The following HECW2 variants were observed in gnomAD, a reference collection of about 807,000 sequenced individuals.
HECW2 encodes E3 ubiquitin-protein ligase HECW2.
In HECW2, 61 loss-of-function variants were observed where a neutral mutation model predicts 175.2. The observed-to-expected ratio is 0.35, with a 90% CI of 0.28 to 0.43. The LOEUF is 0.43. HECW2 is among the 20% of genes least tolerant of loss of function. The pLI is 1.00. For missense variants in HECW2, 1,524 were observed against 2,000.5 expected, an observed-to-expected ratio of 0.76 and a Z score of 4.54; for synonymous variants, 671 against 731.0, an observed-to-expected ratio of 0.92 and a Z score of 1.32.
At chr2:196,284,663 C>T (rs1690315425) in intron 14 of HECW2, among the ~76,000 whole-genome samples, 1 of 152,154 alleles carries the variant, frequency 6.6e-6, no homozygotes, top group Admixed American at 6.5e-5. Flanking sequence ...ACACACATAT[C>T]AATTATGTCA....
At chr2:196,300,952 T>G (rs373680778) in intron 13 of HECW2, among the ~76,000 whole-genome samples, 6 of 152,054 alleles carry the variant, frequency 3.9e-5, no homozygotes, top group African/African-American at 1.5e-4. Context: ...CCATGGTGGT[T>G]TGCTGCACAG....
At chr2:196,461,651 C>T (rs1696749345) in intron 1 of HECW2, among the ~76,000 whole-genome samples, 1 of 152,124 alleles carries the variant, frequency 6.6e-6, no homozygotes, top group Non-Finnish European at 1.5e-5. Flanking sequence ...AGGAAACTTA[C>T]ATTCATGGCA....
intron 2 of HECW2, among the ~76,000 whole-genome samples, chr2:196,358,117 C>T (rs1466310150): frequency 1.3e-5 from 2 of 152,138 alleles, no homozygotes; most frequent in East Asian, 1.9e-4. Flanking sequence ...TTCTCCCATT[C>T]GCTGGATTTA....
intron 1 of HECW2, among the ~76,000 whole-genome samples, chr2:196,452,763 A>G (rs1696384269): frequency 6.6e-6 from 1 of 151,638 alleles, no homozygotes; most frequent in African/African-American, 2.4e-5. Flanking sequence ...TTTTCTATGC[A>G]TGATCAAATG....
intron 1 of HECW2, among the ~76,000 whole-genome samples, chr2:196,582,704 C>T (rs1012429767): frequency 3.3e-5 from 5 of 152,172 alleles, no homozygotes; most frequent in Admixed American, 2.6e-4. Context: ...ACAGGTACTG[C>T]GAACCAGACA....
rs571464270 is a variant in HECW2 at position 196,564,952 on chromosome 2, T to C, written c.-36+28556A>G. ...TGAGTGGTAATTTGTTTCTATGCTT[T>C]GATTTTTTTTTTTTTTTGAGGCAAG... On this transcript the variant is annotated intron_variant, in intron 1 of 28. Coordinates refer to ENST00000644978, the MANE Select transcript of HECW2 (RefSeq NM_001348768.2). Among the ~76,000 whole-genome samples the C allele has an allele frequency of 7.8e-4, 43 of 55,430 alleles. No homozygotes were observed. In the East Asian group the frequency reaches 0.023, roughly 30 times the overall value. The allele number at this position is 55,430 out of a possible 152,430, so 36.4% of individuals were successfully genotyped here. A position where few individuals can be genotyped will look rare whatever the true frequency, so the allele number is the denominator to read the frequency against.
chr2:196,473,019 A>G (rs1318932966), intron 1 of HECW2, among the ~76,000 whole-genome samples: 1 of 152,250 alleles, frequency 6.6e-6, no homozygotes, highest in African/African-American at 2.4e-5. Context: ...ATGAAATTGT[A>G]GAATCTTGTC....
At chr2:196,535,269 G>A (rs538654787) in intron 1 of HECW2, among the ~76,000 whole-genome samples, 2 of 152,088 alleles carry the variant, frequency 1.3e-5, no homozygotes, top group Non-Finnish European at 2.9e-5. Context: ...ACTAGATGTG[G>A]GTGGATCCTT....
intron 16 of HECW2, among the ~76,000 whole-genome samples, chr2:196,271,831 A>G (rs1369851736): frequency 2.0e-5 from 3 of 152,228 alleles, no homozygotes; most frequent in African/African-American, 7.2e-5. Flanking sequence ...GTTTGGAACT[A>G]GACTGTGCCC....
chr2:196,383,885 A>G (rs12693792), intron 2 of HECW2, among the ~76,000 whole-genome samples: 32,770 of 152,198 alleles, frequency 0.22, 4,136 homozygotes, highest in African/African-American at 0.35. Flanking sequence ...ACAGTTCAGT[A>G]TAGTGGTTAA....
intron 19 of HECW2, among the ~76,000 whole-genome samples, chr2:196,250,143 G>C (rs1332132283): frequency 6.6e-6 from 1 of 152,208 alleles, no homozygotes; most frequent in East Asian, 1.9e-4. Flanking sequence ...CAAAAGGCCT[G>C]GAAAAGGACA....
chr2:196,225,885 C>T lies in HECW2; in HGVS notation c.3918-15G>A. On this transcript the variant is annotated splice_polypyrimidine_tract_variant and intron_variant, in intron 22 of 28. Transcript: ENST00000644978. The stretch of plus-strand genomic sequence containing the variant: ...TGAATCGGAACCTGTGAAGGAAACA[C>T]ATGAGATGGCTTACATGTCATGGAG... The T allele has an allele frequency of 1.3e-6, 2 of 1,494,692 alleles. No individual in the cohort carries two copies. Among genetic ancestry groups the T allele is most frequent in the Non-Finnish European group, 1.9e-6 (2 of 1,071,326 alleles). 92.6% of individuals were successfully genotyped at this position (1,494,692 alleles called of 1,614,324 possible).
chr2:196,337,384 C>T (rs192840725), intron 3 of HECW2, among the ~76,000 whole-genome samples: 60 of 150,764 alleles, frequency 4.0e-4, no homozygotes, highest in African/African-American at 1.4e-3. Context: ...AGCACAGGCA[C>T]GATGACTGAT....
At chr2:196,321,916 C>G (rs1386037834) in intron 7 of HECW2, among the ~76,000 whole-genome samples, 1 of 152,164 alleles carries the variant, frequency 6.6e-6, no homozygotes, top group Non-Finnish European at 1.5e-5. Context: ...CTACTTTACT[C>G]ACAACTTACA....
chr2:196,432,531 C>T (rs764563583), intron 2 of HECW2, among the ~76,000 whole-genome samples: 4 of 152,082 alleles, frequency 2.6e-5, no homozygotes, highest in African/African-American at 9.7e-5. Context: ...GAACAACAAG[C>T]GTAAATTAGC....
intron 2 of HECW2, among the ~76,000 whole-genome samples, chr2:196,371,333 C>T (rs141703639): frequency 1.3e-5 from 2 of 152,284 alleles, no homozygotes; most frequent in Middle Eastern, 3.4e-3. Flanking sequence ...CCTACCTTAA[C>T]AGCTCACAAT....
intron 26 of HECW2, 124 bp from the exon 27 acceptor site, chr2:196,217,217 ATT>A (rs1304541961): frequency 1.2e-4 from 81 of 650,444 alleles, no homozygotes. Context: ...GTTGTCTATA[ATT>A]TTAAGACTAA....
At chr2:196,271,807 T>C (rs1013094700) in intron 16 of HECW2, among the ~76,000 whole-genome samples, 1 of 152,350 alleles carries the variant, frequency 6.6e-6, no homozygotes, top group East Asian at 1.9e-4. Context: ...ATATTACTTA[T>C]ACTCAAAGTT....
chr2:196,228,317 T>C lies in HECW2; in HGVS notation c.3765-63A>G, dbSNP rs913126722. On this transcript the variant is annotated intron_variant, in intron 21 of 28. Coordinates refer to ENST00000644978, the MANE Select transcript of HECW2 (RefSeq NM_001348768.2). Reference sequence around the variant, plus strand: ...TTTTTTCTAGATATTGGGCAGTTTTTCTCCAGAGCTCAAGTTTCCATAGGA... The same window carrying C: ...TTTTTTCTAGATATTGGGCAGTTTTCCTCCAGAGCTCAAGTTTCCATAGGA... 5 of 1,470,692 alleles carry C rather than the reference T, an allele frequency of 3.4e-6. No individual in the cohort carries two copies. In the African/African-American group the frequency reaches 4.3e-5, roughly 13 times the overall value. 91.1% of individuals were successfully genotyped at this position (1,470,692 alleles called of 1,614,324 possible). A position where few individuals can be genotyped will look rare whatever the true frequency, so the allele number is the denominator to read the frequency against.
Sources: allele counts gnomAD v4.1 joint callset (sites outside exome capture counted in the v4.1 genomes callset), GRCh38; gene constraint gnomAD v4.1.1; transcripts MANE v1.5; gene names NCBI Gene and HGNC (gene_info 2026-07-23, HGNC 2026-07-21).